DOP1B: variants seen among roughly 807,000 people sequenced by gnomAD.
The protein encoded by DOP1B is protein DOP1B.
DOP1B carries 174 observed loss-of-function variants against 233.5 expected under a neutral mutation model. The ratio of observed to expected loss-of-function variants is 0.75; its 90% confidence interval spans 0.66 to 0.85. DOP1B has a LOEUF of 0.85. Ranked by LOEUF, DOP1B falls within the 40% of genes least tolerant of loss-of-function variation. The pLI is 0.00. For missense variants in DOP1B, 2,652 were observed against 2,846.6 expected (o/e 0.93, Z 1.56); for synonymous variants, 1,190 against 1,185.6 (o/e 1.00, Z -0.08).
chr21:36,232,533 T>A (rs1280498974), intron 14 of DOP1B, among the ~76,000 whole-genome samples: 2 of 152,212 alleles, frequency 1.3e-5, no homozygotes, highest in African/African-American at 4.8e-5. Context: ...GGGTGTCCTC[T>A]GTATGTCCTG....
intron 12 of DOP1B, among the ~76,000 whole-genome samples, chr21:36,226,951 A>G (rs144068955): frequency 5.3e-5 from 8 of 152,056 alleles, no homozygotes; most frequent in Non-Finnish European, 1.2e-4. Context: ...CACGTCTGTA[A>G]TCCCAGCACT....
intron 2 of DOP1B, chr21:36,169,421 A>G: frequency 4.1e-6 from 4 of 985,082 alleles, no homozygotes; most frequent in Non-Finnish European, 6.5e-6. Flanking sequence ...CCATGCCCCA[A>G]TCCAGGCCAC....
At chr21:36,169,383 C>A in intron 2 of DOP1B, 2 of 837,650 alleles carry the variant, frequency 2.4e-6, no homozygotes, top group East Asian at 2.4e-5. Context: ...CCAGCACATG[C>A]CATGGAGAAG....
At chr21:36,260,611 G>C in intron 23 of DOP1B, 66 bp from the exon 24 acceptor site, 1 of 1,602,230 alleles carries the variant, frequency 6.2e-7, no homozygotes, top group South Asian at 1.1e-5. Context: ...GTTTCATTTT[G>C]TATCTGAATT....
At chr21:36,252,330 C>T (rs1453362820) in intron 22 of DOP1B, among the ~76,000 whole-genome samples, 3 of 151,504 alleles carry the variant, frequency 2.0e-5, no homozygotes, top group Middle Eastern at 3.4e-3. Flanking sequence ...TGGTGGTATG[C>T]GCCTATAGTC....
chr21:36,261,061 T>G, intron 24 of DOP1B: 2 of 1,047,824 alleles, frequency 1.9e-6, no homozygotes, highest in East Asian at 7.9e-5. Flanking sequence ...GTTAAAGACC[T>G]CTTTTAGAAA....
chr21:36,174,804 T>C (rs1005587682), intron 2 of DOP1B, among the ~76,000 whole-genome samples: 4 of 152,116 alleles, frequency 2.6e-5, no homozygotes, highest in Non-Finnish European at 2.9e-5. Context: ...CTGGCCGGGA[T>C]CCTGATTTTT....
At position 36,201,553 on chromosome 21, in the gene DOP1B, G is replaced by A. The variant is rs375867109; in HGVS notation, c.491+1052G>A. 4.6e-5 allele frequency among the ~76,000 whole-genome samples: 7 copies of A among 151,686 alleles called. No individual in the cohort carries two copies. The East Asian group carries it at 5.9e-4, about 13-fold the overall frequency. On this transcript the variant is annotated intron_variant, in intron 4 of 36. Coordinates refer to ENST00000691173, the MANE Select transcript of DOP1B (RefSeq NM_001320714.2). Reference sequence around the variant, plus strand: ...AGTAGAGATGGGGTTTCCCTCTGGCGGCCAGGCTGGTCTCAAACTCCTGGC... The same window carrying A: ...AGTAGAGATGGGGTTTCCCTCTGGCAGCCAGGCTGGTCTCAAACTCCTGGC...
intron 2 of DOP1B, chr21:36,175,644 C>T (rs13051221): frequency 0.04 from 6,096 of 151,888 alleles, 164 homozygotes; most frequent in Non-Finnish European, 0.058. Flanking sequence ...AATATAAAAA[C>T]GAGCTGGGTA....
intron 7 of DOP1B, among the ~76,000 whole-genome samples, chr21:36,213,440 T>C (rs1414489448): frequency 3.3e-5 from 5 of 151,968 alleles, no homozygotes; most frequent in African/African-American, 1.2e-4. Flanking sequence ...GATGGGAGCA[T>C]GTGCATGAGA....
At chr21:36,233,123 A>G (rs1373965742) in intron 15 of DOP1B, 48 bp downstream of exon 15, 1 of 1,582,748 alleles carries the variant, frequency 6.3e-7, no homozygotes. Flanking sequence ...TCTCCCCCTG[A>G]GCAAAACTCA....
At chr21:36,238,466 T>G (rs1479391113) in intron 16 of DOP1B, 135 bp from the exon 17 acceptor site, 1 of 692,914 alleles carries the variant, frequency 1.4e-6, no homozygotes, top group Admixed American at 2.4e-5. Context: ...CAAAGGAGAA[T>G]GCAGCGTCTT....
chr21:36,191,515 G>A (rs2066234097), intron 2 of DOP1B, among the ~76,000 whole-genome samples: 2 of 152,194 alleles, frequency 1.3e-5, no homozygotes, highest in Non-Finnish European at 2.9e-5. Flanking sequence ...GCTGGGCGAG[G>A]TGGCTCACGC....
At chr21:36,257,438 T>G (rs2067112768) in intron 23 of DOP1B, among the ~76,000 whole-genome samples, 1 of 152,218 alleles carries the variant, frequency 6.6e-6, no homozygotes, top group East Asian at 1.9e-4. Flanking sequence ...ACAGCACTGC[T>G]TCCTCCAGGG....
chr21:36,179,032 A>G (rs973074080), intron 2 of DOP1B, among the ~76,000 whole-genome samples: 1 of 152,138 alleles, frequency 6.6e-6, no homozygotes, highest in African/African-American at 2.4e-5. Flanking sequence ...GCATTTTCTG[A>G]AAGTTTATAT....
intron 18 of DOP1B, among the ~76,000 whole-genome samples, chr21:36,242,102 T>G (rs2066898599): frequency 6.6e-6 from 1 of 151,822 alleles, no homozygotes; most frequent in African/African-American, 2.4e-5. Flanking sequence ...TTAGTATTTC[T>G]TTTTCTTTCT....
At chr21:36,231,768 C>T (rs2066768259) in intron 14 of DOP1B, among the ~76,000 whole-genome samples, 1 of 150,992 alleles carries the variant, frequency 6.6e-6, no homozygotes. Context: ...ACCTCCGCCT[C>T]CTGGGTTCAA....
rs866871511 is a variant in DOP1B, at chr21:36,245,787, C to G, written c.3807C>G (p.Thr1269=). 6.2e-7 allele frequency: 1 copy of G among 1,613,942 alleles called. No individual in the cohort carries two copies. The highest frequency in any genetic ancestry group is 8.5e-7 in the Non-Finnish European group (1 of 1,179,980). Residue 1269 remains threonine (T), a synonymous_variant, in exon 19 of 37, where the codon ACC becomes ACG. Transcript: ENST00000691173. This position sits in a 1 kb window ranked among gnomAD's most constrained non-coding sequence, Gnocchi z 5.5. Reference sequence around the variant, plus strand: ...CTGTGTCCAGGACTAGCATGGATACCAGCTCCACCGCGCACCTCAACCTCA... The same window carrying G: ...CTGTGTCCAGGACTAGCATGGATACGAGCTCCACCGCGCACCTCAACCTCA... The part of the protein sequence containing the change: ...IEAVSRTSMD[T]SSTAHLNLIS...
At chr21:36,252,850 A>T (rs2067046533) in intron 22 of DOP1B, among the ~76,000 whole-genome samples, 1 of 152,222 alleles carries the variant, frequency 6.6e-6, no homozygotes, top group African/African-American at 2.4e-5. Flanking sequence ...TGACTGGTCC[A>T]TGATGAAGTC....
Sources: gnomAD v4.1 joint callset for allele counts (sites outside exome capture counted in the v4.1 genomes callset) on GRCh38, gnomAD v4.1.1 for gene constraint, Gnocchi (gnomAD v3.1) non-coding constraint, MANE v1.5 for transcripts, NCBI Gene and HGNC (gene_info 2026-07-23, HGNC 2026-07-21) for gene names.